The following PDK3 variants were observed in gnomAD, a reference collection of about 807,000 sequenced individuals.
PDK3 encodes pyruvate dehydrogenase kinase 3, also known as pyruvate dehydrogenase kinase, isozyme 3.
A neutral mutation model predicts 32.0 loss-of-function variants in PDK3; 12 were observed. The ratio of observed to expected loss-of-function variants is 0.37; its 90% confidence interval spans 0.24 to 0.61. The LOEUF (loss-of-function observed/expected upper bound fraction) is 0.61. Ranked by LOEUF, PDK3 falls within the 20% of genes least tolerant of loss-of-function variation. PDK3 has a pLI of 0.65. For synonymous variants in PDK3, 122 were observed against 116.3 expected (o/e 1.05, Z -0.31); for missense variants, 188 against 316.9 (o/e 0.59, Z 3.09).
intron 1 of PDK3, among the ~76,000 whole-genome samples, chrX:24,473,406 A>G (rs1329784969): frequency 9.2e-6 from 1 of 108,830 alleles, no homozygotes; most frequent in Non-Finnish European, 1.9e-5. Context: ...AAAACAAAAA[A>G]ACCAACCACA....
intron 2 of PDK3, among the ~76,000 whole-genome samples, chrX:24,496,582 T>TTTTTTTTTTTTTTTTTTTC (rs1921711930): frequency 1.1e-5 from 1 of 88,332 alleles, no homozygotes; most frequent in Admixed American, 1.3e-4. Context: ...TTTTTTTTTT[T>TTTTTTTTTTTTTTTTTTTC]TTTTTTTTTG....
At chrX:24,535,494 G>A, downstream of PDK3, among the ~76,000 whole-genome samples, 1 of 81,631 alleles carries the variant, frequency 1.2e-5, no homozygotes, top group Non-Finnish European at 2.2e-5. Context: ...GATAGAGCTA[G>A]ACTCCATCTC....
chrX:24,531,548 G>T, intron 9 of PDK3, 109 bp from the exon 10 acceptor site: 2 of 476,713 alleles, frequency 4.2e-6, no homozygotes, highest in South Asian at 3.5e-5. Context: ...TAATTTATTT[G>T]ATTTAAATCT....
At chrX:24,512,626 G>C (rs1922151428) in intron 5 of PDK3, among the ~76,000 whole-genome samples, 1 of 111,734 alleles carries the variant, frequency 8.9e-6, no homozygotes, top group South Asian at 3.8e-4. Flanking sequence ...AGCCAGGTGT[G>C]ATGGCGTGTG....
At chrX:24,535,504 C>CAAAAAA (rs778785042), downstream of PDK3, among the ~76,000 whole-genome samples, 1 of 55,464 alleles carries the variant, frequency 1.8e-5, no homozygotes, top group Non-Finnish European at 3.1e-5. Context: ...GACTCCATCT[C>CAAAAAA]AAAAAAAAAA....
intron 1 of PDK3, among the ~76,000 whole-genome samples, chrX:24,488,288 G>T (rs1280613197): frequency 3.6e-5 from 4 of 111,740 alleles, no homozygotes; most frequent in African/African-American, 1.3e-4. Flanking sequence ...TTCACCCTAG[G>T]TCTTGGTGAA....
At chrX:24,468,939 G>A (rs764366294) in intron 1 of PDK3, among the ~76,000 whole-genome samples, 12 of 111,872 alleles carry the variant, frequency 1.1e-4, no homozygotes, top group Non-Finnish European at 2.3e-4. Flanking sequence ...CTTCCCACTT[G>A]TGCCCACTGG....
intron 1 of PDK3, among the ~76,000 whole-genome samples, chrX:24,481,790 C>T (rs1389174952): frequency 8.9e-6 from 1 of 112,077 alleles, no homozygotes; most frequent in East Asian, 2.8e-4. Flanking sequence ...TCCATGTGGA[C>T]TGTGAGTCAA....
chrX:24,483,365 G>A (rs190734961), intron 1 of PDK3, among the ~76,000 whole-genome samples: 17 of 111,971 alleles, frequency 1.5e-4, no homozygotes, highest in Admixed American at 2.8e-4. Context: ...GGTTGATATG[G>A]ATGCATGGCG....
chrX:24,525,916 G>A (rs1208701492), intron 6 of PDK3, among the ~76,000 whole-genome samples: 1 of 112,156 alleles, frequency 8.9e-6, no homozygotes, highest in Non-Finnish European at 1.9e-5. Flanking sequence ...GGATGTTATG[G>A]CATAGGTGAT....
At chrX:24,522,370 T>C (rs1922418358) in intron 6 of PDK3, among the ~76,000 whole-genome samples, 1 of 111,345 alleles carries the variant, frequency 9.0e-6, no homozygotes, top group South Asian at 3.8e-4. Context: ...AGGAAAGAAA[T>C]CTAAACTGTA....
intron 1 of PDK3, 116 bp downstream of exon 1, chrX:24,465,677 A>G: frequency 1.8e-6 from 1 of 553,253 alleles, no homozygotes. Flanking sequence ...GGGCTAGGGA[A>G]TATCCGGGGG....
At chrX:24,528,338 G>C (rs1922571232) in intron 9 of PDK3, 152 bp downstream of exon 9, 1 of 414,724 alleles carries the variant, frequency 2.4e-6, no homozygotes, top group Non-Finnish European at 4.2e-6. Flanking sequence ...TTTTTGCCTT[G>C]GCTACTTGCT....
chrX:24,471,898 G>A (rs1602099070), intron 1 of PDK3, among the ~76,000 whole-genome samples: 1 of 111,977 alleles, frequency 8.9e-6, no homozygotes, highest in Non-Finnish European at 1.9e-5. Flanking sequence ...TCCTGGGATA[G>A]CATTGCCATC....
chrX:24,513,128 C>T (rs144784891), intron 5 of PDK3, among the ~76,000 whole-genome samples: 237 of 111,172 alleles, frequency 2.1e-3, no homozygotes, highest in African/African-American at 7.3e-3. Context: ...TTCTTTCCCC[C>T]TACGATCACA....
intron 5 of PDK3, among the ~76,000 whole-genome samples, chrX:24,506,581 A>T (rs1602116007): frequency 9.0e-6 from 1 of 111,397 alleles, no homozygotes; most frequent in Non-Finnish European, 1.9e-5. Context: ...CTTGCATAGA[A>T]CCAACTGTAG....
chrX:24,542,475 G>A (rs1432264069), exon 12 of PDK3, among the ~76,000 whole-genome samples: 3 of 112,866 alleles, frequency 2.7e-5, no homozygotes, highest in Non-Finnish European at 5.6e-5. Flanking sequence ...AAGCACTTGG[G>A]TGCTTGGAAC....
chrX:24,487,125 T>C (rs567835225), intron 1 of PDK3, among the ~76,000 whole-genome samples: 11 of 112,857 alleles, frequency 9.7e-5, no homozygotes, highest in African/African-American at 2.9e-4. Flanking sequence ...ACTAAGTTTT[T>C]AAAAAAGTGA....
chrX:24,511,771 C>G (rs1922124498), intron 5 of PDK3, among the ~76,000 whole-genome samples: 2 of 108,349 alleles, frequency 1.8e-5, no homozygotes, highest in Admixed American at 2.0e-4. Context: ...TCGCTTGAAC[C>G]CAGGAGACGG....
Sources: allele counts gnomAD v4.1 joint callset (sites outside exome capture counted in the v4.1 genomes callset), GRCh38; gene constraint gnomAD v4.1.1; transcripts MANE v1.5; gene names NCBI Gene and HGNC (gene_info 2026-07-23, HGNC 2026-07-21).